The following CDH17 variants were observed in gnomAD, a reference collection of about 807,000 sequenced individuals.
CDH17 encodes cadherin 17, also known as cadherin-17.
In CDH17, 67 loss-of-function variants were observed where a neutral mutation model predicts 86.3. The ratio of observed to expected loss-of-function variants is 0.78; its 90% CI spans 0.64 to 0.95. The LOEUF (loss-of-function observed/expected upper bound fraction) is 0.95, where lower values mean the gene tolerates loss of function less well. Among genes scored for constraint, CDH17 ranks in the 40% least tolerant of loss-of-function variants. The probability of loss-of-function intolerance (pLI) is 0.00; values close to 1 mark genes in which losing one functional copy is unlikely to be tolerated. For missense variants in CDH17, 993 were observed against 1,017.6 expected (o/e 0.98, Z 0.33); for synonymous variants, 367 against 366.4 (o/e 1.00, Z -0.02).
Position 94,170,526 on chromosome 8 carries a change from T to C in CDH17, c.937A>G (p.Lys313Glu), listed in dbSNP as rs779179158. 6.2e-7 allele frequency: 1 copy of C among 1,613,834 alleles called. No individual in the cohort carries two copies. The highest frequency in any genetic ancestry group is 1.1e-5 in the South Asian group (1 of 91,058). The stretch of plus-strand genomic sequence containing the variant: ...GAAAGTGGTTTTCCGTACTCATCCT[T>C]TGCAACTGCATAAAAAACATACTAC... ...KDAYVFYAVA[K>E]DEYGKPLSYP... Residue 313 changes from lysine (K) to glutamate (E), a missense_variant, in exon 9 of 18, where the codon AAG becomes GAG. Lys to Glu is a moderately conservative substitution (Grantham distance 56). Coordinates refer to ENST00000027335, the MANE Select transcript of CDH17 (RefSeq NM_004063.4).
At chr8:94,193,248 TA>T (rs1254638812) in intron 2 of CDH17, among the ~76,000 whole-genome samples, 1 of 152,230 alleles carries the variant, frequency 6.6e-6, no homozygotes, top group Non-Finnish European at 1.5e-5. Context: ...TAAGGCCTAA[TA>T]ATTAGATATT....
In CDH17 at chr8:94,130,635, G is replaced by A. The variant is rs752824274; in HGVS notation, c.2389C>T (p.Leu797=). 1 of 1,607,506 alleles carries A rather than the reference G, an allele frequency of 6.2e-7. No individual in the cohort carries two copies. Among genetic ancestry groups the A allele is most frequent in the South Asian group, 1.1e-5 (1 of 90,736 alleles). Reference sequence around the variant, plus strand: ...AAGAAATTACACTCACCAATCACCAGAAGGGTGGTCAGCAGTATACCAACT... The same window carrying A: ...AAGAAATTACACTCACCAATCACCAAAAGGGTGGTCAGCAGTATACCAACT... ...MAVGILLTTL[L]VIGIILAVVF... Residue 797 remains leucine (L), a synonymous_variant, in exon 17 of 18, where the codon CTG becomes TTG. Coordinates refer to ENST00000027335, the MANE Select transcript of CDH17 (RefSeq NM_004063.4).
chr8:94,152,856 G>T lies in CDH17; in HGVS notation c.1552-744C>A, dbSNP rs111258053. ...TCACCCTTTTATTTTTAGTAGAGAA[G>T]GGGGTTTTGCCATGTTGGCCAGGCT... On this transcript the variant is annotated intron_variant, in intron 12 of 17. Coordinates refer to ENST00000027335, the MANE Select transcript of CDH17 (RefSeq NM_004063.4). 2.9e-3 allele frequency among the ~76,000 whole-genome samples: 430 copies of T among 150,256 alleles called. 2 individuals carry two copies. The highest frequency in any genetic ancestry group is 9.8e-3 in the African/African-American group (398 of 40,808).
chr8:94,173,684 G>T, intron 7 of CDH17, 113 bp downstream of exon 7: 1 of 815,956 alleles, frequency 1.2e-6, no homozygotes, highest in Non-Finnish European at 2.1e-6. Flanking sequence ...TTATAATCAT[G>T]CTATGAAAAA....
intron 15 of CDH17, among the ~76,000 whole-genome samples, chr8:94,143,284 CTT>C (rs1036962113): frequency 1.3e-5 from 2 of 152,118 alleles, no homozygotes; most frequent in African/African-American, 2.4e-5. Context: ...TGAGAGGAAT[CTT>C]TTTTGGGGGA....
chr8:94,207,831 C>A (rs980584678), intron 1 of CDH17, among the ~76,000 whole-genome samples: 4 of 152,130 alleles, frequency 2.6e-5, no homozygotes, highest in African/African-American at 9.7e-5. Flanking sequence ...ATAAAAATAA[C>A]CACACATTAG....
At chr8:94,166,149 T>C (rs7817517) in intron 9 of CDH17, among the ~76,000 whole-genome samples, 173 bp from the exon 10 acceptor site, 19,877 of 152,200 alleles carry the variant, frequency 0.13, 4,199 homozygotes, top group African/African-American at 0.44. Flanking sequence ...ATGGGTTGAA[T>C]AGTGTATTTG....
intron 10 of CDH17, among the ~76,000 whole-genome samples, chr8:94,165,216 C>T (rs1813129298): frequency 6.6e-6 from 1 of 152,198 alleles, no homozygotes; most frequent in African/African-American, 2.4e-5. Context: ...CACATTCACA[C>T]TGAGACCTCA....
chr8:94,133,853 A>C (rs1812468135), intron 15 of CDH17, among the ~76,000 whole-genome samples: 1 of 152,190 alleles, frequency 6.6e-6, no homozygotes, highest in Non-Finnish European at 1.5e-5. Context: ...CTTTATTGAG[A>C]GTTTTTAGCA....
chr8:94,170,475 C>T lies in CDH17; in HGVS notation c.988G>A (p.Val330Ile), dbSNP rs1479207907. Residue 330 changes from valine (V) to isoleucine (I), a missense_variant, in exon 9 of 18, where the codon GTT (valine) becomes ATT (isoleucine). By Grantham distance (29) the Val-to-Ile change is conservative. Transcript: ENST00000027335. ...LSYPLEIHVK[V>I]KDINDNPPTC... ...GGTGGATTATCATTAATATCTTTAA[C>T]TTTTACATGAATTTCCAGCGGATAT... The T allele has an allele frequency of 2.5e-6, 4 of 1,603,550 alleles. No individual in the cohort carries two copies. The highest frequency in any genetic ancestry group is 2.6e-6 in the Non-Finnish European group (3 of 1,174,352).
At position 94,152,024 on chromosome 8, in the gene CDH17, G is replaced by C; in HGVS notation, c.1640C>G (p.Ala547Gly). 4.3e-6 allele frequency: 7 copies of C among 1,614,154 alleles called. No individual in the cohort carries two copies. Among genetic ancestry groups the C allele is most frequent in the Non-Finnish European group, 5.9e-6 (7 of 1,180,014 alleles). Residue 547 changes from alanine (A) to glycine (G), a missense_variant, in exon 13 of 18, where the codon GCA becomes GGA. Physicochemically the swap from Ala to Gly is moderately conservative, Grantham distance 60 (BLOSUM62 0). Transcript: ENST00000027335. ...EPLVFGVKYN[A>G]SSFAKFTLIV... ...AAGCGTGAACTTGGCAAAAGAACTT[G>C]CATTGTACTTCACACCAAACACTAG...
At chr8:94,217,082 C>T (rs1563596232) in intron 1 of CDH17, 1 of 152,092 alleles carries the variant, frequency 6.6e-6, no homozygotes, top group East Asian at 1.9e-4. Flanking sequence ...AATCGATTCT[C>T]TCAGATTTGA....
At position 94,216,186 on chromosome 8, in the gene CDH17, T is replaced by G. The variant is rs76074372; in HGVS notation, c.-21+1012A>C. On this transcript the variant is annotated intron_variant, in intron 1 of 17. Transcript: ENST00000450165. ...TTCCCACTCAGGATTACATTGGGCC[T>G]GGTCTCAGGAACAATCCAGGAGTTT... Among the ~76,000 whole-genome samples the G allele has an allele frequency of 3.7e-4, 57 of 152,324 alleles. 1 individual carries two copies. The East Asian group carries it at 0.01, about 27-fold the overall frequency.
chr8:94,138,753 G>T (rs186573749), intron 15 of CDH17, among the ~76,000 whole-genome samples: 33 of 152,266 alleles, frequency 2.2e-4, no homozygotes, highest in Admixed American at 2.2e-3. Flanking sequence ...CATAATTCAT[G>T]TGCTACCAGG....
At chr8:94,131,281 T>C (rs1812410705) in intron 15 of CDH17, among the ~76,000 whole-genome samples, 1 of 152,224 alleles carries the variant, frequency 6.6e-6, no homozygotes, top group Non-Finnish European at 1.5e-5. Context: ...AAACACTGAA[T>C]TAATGAATGC....
In CDH17 at chr8:94,176,470, C is replaced by A; in HGVS notation, c.424+71G>T. On this transcript the variant is annotated intron_variant, in intron 5 of 17. Coordinates refer to ENST00000027335, the MANE Select transcript of CDH17 (RefSeq NM_004063.4). ...TTGAGTGACAGCTGCAGCTATTAGC[C>A]ACACAAGTCTGCCCCTTCCACCTGA... 6.5e-6 allele frequency: 10 copies of A among 1,528,036 alleles called. 1 individual carries two copies. The South Asian group carries it at 9.6e-5, about 15-fold the overall frequency. 94.7% of individuals were successfully genotyped at this position (1,528,036 alleles called of 1,614,324 possible). A position where few individuals can be genotyped will look rare whatever the true frequency, so the allele number is the denominator to read the frequency against.
chr8:94,193,486 C>T (rs1813725118), intron 2 of CDH17, among the ~76,000 whole-genome samples: 1 of 152,196 alleles, frequency 6.6e-6, no homozygotes, highest in African/African-American at 2.4e-5. Flanking sequence ...TCCCATAAGA[C>T]AAGTACTATT....
chr8:94,208,044 T>C (rs1022257065), intron 1 of CDH17, among the ~76,000 whole-genome samples: 2 of 152,208 alleles, frequency 1.3e-5, no homozygotes, highest in Admixed American at 1.3e-4. Context: ...AAATTGAATC[T>C]CATTCTCTGA....
intron 9 of CDH17, among the ~76,000 whole-genome samples, chr8:94,169,776 G>T (rs1052463364): frequency 2.0e-5 from 3 of 152,180 alleles, no homozygotes; most frequent in Non-Finnish European, 2.9e-5. Flanking sequence ...TATAGTAGTT[G>T]TTCCTATACA....
Sources: gnomAD v4.1 joint callset for allele counts (sites outside exome capture counted in the v4.1 genomes callset) on GRCh38, gnomAD v4.1.1 for gene constraint, MANE v1.5 for transcripts, NCBI Gene and HGNC (gene_info 2026-07-23, HGNC 2026-07-21) for gene names.